Variants in FAM184A observed in about 807,000 individuals in gnomAD.
FAM184A encodes protein FAM184A.
In FAM184A, 99 loss-of-function variants were observed where a neutral mutation model predicts 143.8. That is an observed-to-expected ratio of 0.69 (90% CI 0.58 to 0.81). FAM184A has a LOEUF of 0.81. Among genes scored for constraint, FAM184A ranks in the 40% least tolerant of loss-of-function variants. The pLI is 0.00. For synonymous variants in FAM184A, 427 were observed against 446.4 expected, an observed-to-expected ratio of 0.96 and a Z score of 0.55; for missense variants, 1,217 against 1,310.5, an observed-to-expected ratio of 0.93 and a Z score of 1.10.
upstream of FAM184A, among the ~76,000 whole-genome samples, chr6:119,080,100 G>A (rs955045198): frequency 2.5e-4 from 38 of 152,198 alleles, no homozygotes; most frequent in Admixed American, 1.8e-3. Flanking sequence ...TGTTCTTTAC[G>A]TTCTAAGCAG....
intron 9 of FAM184A, among the ~76,000 whole-genome samples, chr6:118,990,041 A>G (rs925247375): frequency 1.4e-4 from 22 of 152,140 alleles, no homozygotes; most frequent in Admixed American, 2.0e-4. Context: ...GTTGGCCAGG[A>G]TGGTCTCATC....
At chr6:119,056,039 T>C (rs921402320) in intron 1 of FAM184A, among the ~76,000 whole-genome samples, 1 of 152,190 alleles carries the variant, frequency 6.6e-6, no homozygotes, top group African/African-American at 2.4e-5. Flanking sequence ...TTATTAGTAC[T>C]ACCATATCAC....
At chr6:119,077,114 C>T (rs1018712164) in intron 1 of FAM184A, among the ~76,000 whole-genome samples, 10 of 152,048 alleles carry the variant, frequency 6.6e-5, no homozygotes, top group Non-Finnish European at 1.5e-4. Flanking sequence ...ACTCCTATTT[C>T]CTCCTTTCCT....
intron 9 of FAM184A, among the ~76,000 whole-genome samples, chr6:118,999,246 CTTTAA>C (rs1428235099): frequency 6.6e-6 from 1 of 152,260 alleles, no homozygotes; most frequent in Non-Finnish European, 1.5e-5. Context: ...GTTCCAAACA[CTTTAA>C]TTTAGATATT....
chr6:119,025,696 A>T lies in FAM184A; in HGVS notation c.160-883T>A, dbSNP rs140242896. The T allele has an allele frequency of 2.4e-3, 1,201 of 494,704 alleles. 1 individual carries two copies. The highest frequency in any genetic ancestry group is 3.3e-3 in the Admixed American group (154 of 46,040). 30.6% of individuals were successfully genotyped at this position (494,704 alleles called of 1,614,324 possible). A position where few individuals can be genotyped will look rare whatever the true frequency, so the allele number is the denominator to read the frequency against. On this transcript the variant is annotated intron_variant, in intron 1 of 17. Transcript: ENST00000338891. ...ACTGTGGTCACACGGTGAAATTTTC[A>T]TGACTGTTATTTAAGGCTTTGAGAT...
chr6:119,054,178 A>G lies in FAM184A; in HGVS notation c.159+23963T>C, dbSNP rs41440848. On this transcript the variant is annotated intron_variant, in intron 1 of 17. Transcript: ENST00000338891. Reference sequence around the variant, plus strand: ...TCCACTATTTTTTACAGAAAACGAAAACACTGTATGTAACCCTAAAAGGGA... The same window carrying G: ...TCCACTATTTTTTACAGAAAACGAAGACACTGTATGTAACCCTAAAAGGGA... Among the ~76,000 whole-genome samples, 1,183 of 152,368 alleles carry G rather than the reference A, an allele frequency of 7.8e-3. 15 individuals are homozygous for G. The highest frequency in any genetic ancestry group is 0.027 in the African/African-American group (1,106 of 41,586).
rs1788699707 is a variant in FAM184A at position 119,103,638 on chromosome 6, AG to A, written c.-202+45439del. Among the ~76,000 whole-genome samples the A allele has an allele frequency of 2.5e-4, 31 of 124,764 alleles. 1 individual carries two copies. 81.9% of individuals were successfully genotyped at this position (124,764 alleles called of 152,430 possible). On this transcript the variant is annotated intron_variant, in intron 1 of 16. Transcript: ENST00000352896. ...GAAAACAAAATATTTTTAAAAAGAGAGAGAGGAGGCCAGGCACGGTGGCTCA... is the reference window on the plus strand; with the variant it reads ...GAAAACAAAATATTTTTAAAAAGAGAAGAGGAGGCCAGGCACGGTGGCTCA...
intron 14 of FAM184A, among the ~76,000 whole-genome samples, chr6:118,971,629 T>C (rs1783699252): frequency 6.6e-6 from 1 of 152,154 alleles, no homozygotes; most frequent in Non-Finnish European, 1.5e-5. Context: ...ATATAAAGTT[T>C]TTACTACTAT....
At chr6:119,034,061 G>T (rs1447017615) in intron 1 of FAM184A, among the ~76,000 whole-genome samples, 7 of 128,220 alleles carry the variant, frequency 5.5e-5, no homozygotes, top group Non-Finnish European at 1.2e-4. Flanking sequence ...GAGAGAGAGA[G>T]AGAGAGAGAG....
In FAM184A at chr6:119,006,476, C is replaced by A. The variant is rs374550482; in HGVS notation, c.1786G>T (p.Glu596Ter). The A allele has an allele frequency of 1.2e-6, 2 of 1,613,906 alleles. No individual in the cohort carries two copies. The highest frequency in any genetic ancestry group is 1.7e-6 in the Non-Finnish European group (2 of 1,179,932). ...ELDLTKDSLKETKDALLNVEG... is the reference protein window; with the variant it reads ...ELDLTKDSLK ...ACATTTAATAGAGCATCCTTGGTCT[C>A]CTTTAGGCTGTCTTTAGTCAAGTCA... The change falls in exon 7 of 18, where the codon GAG (glutamate) becomes TAG (stop). Residue 596 changes from glutamate to a stop codon, truncating the protein, a stop_gained. Transcript: ENST00000338891. LOFTEE classifies it high-confidence loss of function.
intron 1 of FAM184A, among the ~76,000 whole-genome samples, chr6:119,120,948 T>C (rs1789197472): frequency 6.7e-6 from 1 of 149,816 alleles, no homozygotes; most frequent in South Asian, 2.1e-4. Context: ...GCTAGGACTG[T>C]ATGCAGGTAC....
chr6:119,090,923 C>T (rs1048834156), intron 1 of FAM184A, among the ~76,000 whole-genome samples: 1 of 152,154 alleles, frequency 6.6e-6, no homozygotes, highest in Non-Finnish European at 1.5e-5. Context: ...AGATGAATCC[C>T]AGTTAATCTT....
At chr6:119,003,109 T>A in intron 8 of FAM184A, 60 bp from the exon 9 acceptor site, 2 of 1,448,844 alleles carry the variant, frequency 1.4e-6, no homozygotes, top group South Asian at 2.7e-5. Flanking sequence ...CTGACTGTAA[T>A]AGAGTCTACA....
intron 9 of FAM184A, among the ~76,000 whole-genome samples, chr6:119,001,077 C>T (rs1784741491): frequency 2.0e-5 from 3 of 149,384 alleles, no homozygotes; most frequent in Admixed American, 6.8e-5. Flanking sequence ...TTGTCCATAA[C>T]GACGTTCCAT....
intron 17 of FAM184A, chr6:118,960,958 A>AT (rs932618642): frequency 1.9e-4 from 98 of 528,260 alleles, no homozygotes; most frequent in Middle Eastern, 3.5e-4. Flanking sequence ...CATTCTTGCT[A>AT]TTTTTTTTGT....
chr6:119,061,308 C>T (rs1012252355), intron 1 of FAM184A, among the ~76,000 whole-genome samples: 2 of 151,952 alleles, frequency 1.3e-5, no homozygotes, highest in Non-Finnish European at 2.9e-5. Flanking sequence ...CTGCAAAGGC[C>T]ACAGGAAAAG....
At chr6:119,003,688 TA>T (rs1562468982) in intron 7 of FAM184A, 66 bp from the exon 8 acceptor site, 1 of 1,465,390 alleles carries the variant, frequency 6.8e-7, no homozygotes, top group Non-Finnish European at 9.1e-7. Flanking sequence ...TTATTTTAAA[TA>T]AGTAAAGTGC....
At chr6:119,076,291 G>A (rs1343657465) in intron 1 of FAM184A, among the ~76,000 whole-genome samples, 1 of 152,164 alleles carries the variant, frequency 6.6e-6, no homozygotes, top group Non-Finnish European at 1.5e-5. Flanking sequence ...ACTTAGCAGA[G>A]GGGGTGGAGA....
At chr6:118,964,915 G>T in intron 15 of FAM184A, 144 bp from the exon 16 acceptor site, 1 of 568,294 alleles carries the variant, frequency 1.8e-6, no homozygotes, top group South Asian at 2.3e-5. Context: ...TTCTTGACAT[G>T]ATTGCTGCTG....
Sources: gnomAD v4.1 joint callset for allele counts (sites outside exome capture counted in the v4.1 genomes callset) on GRCh38, gnomAD v4.1.1 for gene constraint, MANE v1.5 for transcripts, NCBI Gene and HGNC (gene_info 2026-07-23, HGNC 2026-07-21) for gene names.